MAP3K7CL: variants seen among roughly 807,000 people sequenced by gnomAD.
MAP3K7CL encodes the protein MAP3K7 C-terminal like.
In MAP3K7CL, 16 loss-of-function variants were observed where a neutral mutation model predicts 18.6. The observed-to-expected ratio is 0.86, with a 90% CI of 0.58 to 1.31. The LOEUF is 1.31. Among genes scored for constraint, MAP3K7CL ranks in the 50% most tolerant of loss-of-function variants. The pLI, the probability that MAP3K7CL is intolerant of heterozygous loss-of-function variation, is 0.00. For synonymous variants in MAP3K7CL, 65 were observed against 66.8 expected, an observed-to-expected ratio of 0.97 and a Z score of 0.13; for missense variants, 163 against 174.4, an observed-to-expected ratio of 0.93 and a Z score of 0.37.
At chr21:29,109,074 GA>G (rs1568940428) in intron 4 of MAP3K7CL, 1 of 1,535,004 alleles carries the variant, frequency 6.5e-7, no homozygotes, top group Non-Finnish European at 8.7e-7. Context: ...TCCTATCAGA[GA>G]AACCTTGTTC....
intron 4 of MAP3K7CL, among the ~76,000 whole-genome samples, chr21:29,097,300 A>G (rs1433482229): frequency 6.6e-6 from 1 of 152,136 alleles, no homozygotes; most frequent in Non-Finnish European, 1.5e-5. Context: ...GTTTTGAAGA[A>G]ACTGAAGTGT....
At chr21:29,080,943 C>A (rs143180595), upstream of MAP3K7CL, among the ~76,000 whole-genome samples, 224 of 152,126 alleles carry the variant, frequency 1.5e-3, no homozygotes, top group Non-Finnish European at 1.5e-3. Context: ...ATTCAGAAGT[C>A]ATTCAGAATC....
rs553325168 is a variant in MAP3K7CL, at chr21:29,130,902, T to C, written c.-61T>C. Reference sequence around the variant, plus strand: ...AGTGGCTGGCTCTGGGTTACACAAGTGCAGACACTCAACTAAGTGAGGTAA... The same window carrying C: ...AGTGGCTGGCTCTGGGTTACACAAGCGCAGACACTCAACTAAGTGAGGTAA... On this transcript the variant is annotated 5_prime_UTR_variant, in exon 1 of 5. Transcript: ENST00000399928. The C allele has an allele frequency of 2.3e-5, 23 of 985,546 alleles. No homozygotes were observed. The East Asian group carries it at 2.3e-3, about 97-fold the overall frequency. The allele number at this position is 985,546 out of a possible 1,614,324, so 61.1% of individuals were successfully genotyped here.
chr21:29,091,856 A>G (rs970583025), intron 3 of MAP3K7CL: 10 of 631,158 alleles, frequency 1.6e-5, no homozygotes, highest in Non-Finnish European at 2.8e-5. Context: ...CTATGTATTA[A>G]TTGTTTATAC....
intron 4 of MAP3K7CL, among the ~76,000 whole-genome samples, chr21:29,161,309 C>T (rs1017517517): frequency 6.6e-6 from 1 of 151,992 alleles, no homozygotes; most frequent in African/African-American, 2.4e-5. Flanking sequence ...GAGACTCTAT[C>T]TCAAAAAAAA....
chr21:29,107,908 G>C (rs886887175), intron 4 of MAP3K7CL, among the ~76,000 whole-genome samples: 1 of 152,180 alleles, frequency 6.6e-6, no homozygotes, highest in African/African-American at 2.4e-5. Context: ...TATGCAGTAT[G>C]TCTTGCTGTT....
intron 3 of MAP3K7CL, among the ~76,000 whole-genome samples, chr21:29,155,217 T>C (rs2087371906): frequency 6.6e-6 from 1 of 152,224 alleles, no homozygotes; most frequent in Non-Finnish European, 1.5e-5. Context: ...CATTACAATG[T>C]AATGTAAATT....
chr21:29,153,892 A>G (rs1319849482), intron 3 of MAP3K7CL, among the ~76,000 whole-genome samples: 2 of 152,228 alleles, frequency 1.3e-5, no homozygotes, highest in African/African-American at 4.8e-5. Flanking sequence ...TTTTGGAACC[A>G]TGATTTGACT....
At chr21:29,146,683 G>A (rs1317082557) in intron 2 of MAP3K7CL, among the ~76,000 whole-genome samples, 1 of 152,134 alleles carries the variant, frequency 6.6e-6, no homozygotes, top group Non-Finnish European at 1.5e-5. Flanking sequence ...TGAATCTGAG[G>A]ACACCCATTG....
intron 4 of MAP3K7CL, among the ~76,000 whole-genome samples, chr21:29,100,336 G>A (rs2086205242): frequency 1.3e-5 from 2 of 152,216 alleles, no homozygotes; most frequent in South Asian, 4.1e-4. Flanking sequence ...TAAAGCAGAG[G>A]AGGGGTATGA....
intron 4 of MAP3K7CL, among the ~76,000 whole-genome samples, chr21:29,101,635 C>T (rs8128834): frequency 0.49 from 74,169 of 151,906 alleles, 18,228 homozygotes; most frequent in South Asian, 0.58. Flanking sequence ...GTCTCGATCT[C>T]CTGACCTCAT....
chr21:29,137,553 A>G (rs2832211), intron 2 of MAP3K7CL, among the ~76,000 whole-genome samples: 7,699 of 152,260 alleles, frequency 0.051, 451 homozygotes, highest in East Asian at 0.17. Flanking sequence ...AAGGGGCTAC[A>G]TATCTTGTAA....
intron 1 of MAP3K7CL, among the ~76,000 whole-genome samples, chr21:29,079,933 A>G (rs1049630590): frequency 3.3e-5 from 5 of 152,160 alleles, no homozygotes; most frequent in Non-Finnish European, 7.3e-5. Flanking sequence ...CTTAGTTTAA[A>G]TGTTGGTTTA....
In MAP3K7CL at chr21:29,097,016, T is replaced by C. The variant is rs1194970050; in HGVS notation, c.370+4435T>C. ...CTCGGCTAAGAACTCTGATAGGAAC[T>C]TGGAAGAGCACCATTTTTAATCCTA... On this transcript the variant is annotated intron_variant, in intron 4 of 6. Transcript: ENST00000286791. Among the ~76,000 whole-genome samples the C allele has an allele frequency of 2.0e-5, 3 of 152,184 alleles. No homozygotes were observed. The East Asian group carries it at 5.8e-4, about 29-fold the overall frequency.
chr21:29,170,627 CT>C, intron 4 of MAP3K7CL, among the ~76,000 whole-genome samples: 1 of 151,618 alleles, frequency 6.6e-6, no homozygotes, highest in Admixed American at 6.6e-5. Context: ...GCATGTCTCT[CT>C]CTCTTTCTCT....
At chr21:29,157,576 A>G (rs549104039) in intron 3 of MAP3K7CL, among the ~76,000 whole-genome samples, 3 of 152,316 alleles carry the variant, frequency 2.0e-5, no homozygotes, top group African/African-American at 4.8e-5. Context: ...AGTCTTGAAA[A>G]TATTATTATG....
chr21:29,115,321 T>C (rs957182734), intron 4 of MAP3K7CL, among the ~76,000 whole-genome samples: 11 of 152,276 alleles, frequency 7.2e-5, no homozygotes, highest in South Asian at 4.1e-4. Flanking sequence ...GCAGTTCTTT[T>C]TTCAGATTTG....
chr21:29,087,594 T>TA (rs1036874600), intron 1 of MAP3K7CL, among the ~76,000 whole-genome samples: 15 of 143,758 alleles, frequency 1.0e-4, no homozygotes, highest in Non-Finnish European at 1.7e-4. Flanking sequence ...TTTTTCTTTT[T>TA]TTTTTTTTTT....
intron 2 of MAP3K7CL, among the ~76,000 whole-genome samples, chr21:29,140,761 C>G (rs78718398): frequency 0.023 from 3,474 of 152,170 alleles, 129 homozygotes; most frequent in African/African-American, 0.079. Flanking sequence ...AATATACTTC[C>G]AATAGGCTCT....
Sources: gnomAD v4.1 joint callset for allele counts (sites outside exome capture counted in the v4.1 genomes callset) on GRCh38, gnomAD v4.1.1 for gene constraint, MANE v1.5 for transcripts, NCBI Gene and HGNC (gene_info 2026-07-23, HGNC 2026-07-21) for gene names.